The following F13A1 variants were observed in gnomAD, a reference collection of about 807,000 sequenced individuals.
The protein encoded by F13A1 is FSF, A subunit.
In F13A1, 47 loss-of-function variants were observed where a neutral mutation model predicts 80.1. That is an observed-to-expected ratio of 0.59 (90% CI 0.46 to 0.75). F13A1 has a LOEUF of 0.75. Among genes scored for constraint, F13A1 ranks in the 30% least tolerant of loss-of-function variants. The pLI, the probability that F13A1 is intolerant of heterozygous loss-of-function variation, is 0.00. For missense variants in F13A1, 817 were observed against 930.4 expected (o/e 0.88, Z 1.59); for synonymous variants, 349 against 344.9 (o/e 1.01, Z -0.13).
chr6:6,248,563 A>T, intron 5 of F13A1, 144 bp from the exon 6 acceptor site: 1 of 700,754 alleles, frequency 1.4e-6, no homozygotes, highest in Non-Finnish European at 2.5e-6. Context: ...CTTTAGTATG[A>T]AATATTAAAG....
At chr6:6,277,674 T>C (rs1758006945) in intron 3 of F13A1, among the ~76,000 whole-genome samples, 2 of 152,226 alleles carry the variant, frequency 1.3e-5, no homozygotes, top group South Asian at 4.1e-4. Flanking sequence ...CTATCAACCA[T>C]GGACTGGTTC....
chr6:6,285,721 G>A (rs767043977), intron 3 of F13A1, among the ~76,000 whole-genome samples: 1 of 152,228 alleles, frequency 6.6e-6, no homozygotes, highest in Non-Finnish European at 1.5e-5. Flanking sequence ...GCGACCATCA[G>A]GTGACGGTCA....
In F13A1 at chr6:6,251,299, C is replaced by A. The variant is rs202130058; in HGVS notation, c.572-370G>T. On this transcript the variant is annotated intron_variant, in intron 4 of 14. Transcript: ENST00000264870. ...TCTAACACTAATTAAAATATAATTT[C>A]CAACCTTTTAACATTAATAGAAAAC... Among the ~76,000 whole-genome samples the A allele has an allele frequency of 3.9e-5, 6 of 152,284 alleles. No homozygotes were observed. In the East Asian group the frequency reaches 1.2e-3, roughly 29 times the overall value.
chr6:6,271,405 AT>A (rs1757918925), intron 3 of F13A1, among the ~76,000 whole-genome samples: 1 of 152,144 alleles, frequency 6.6e-6, no homozygotes, highest in Non-Finnish European at 1.5e-5. Context: ...ATCAACATCC[AT>A]GACTGCCCAT....
intron 5 of F13A1, among the ~76,000 whole-genome samples, chr6:6,248,683 T>C (rs1253256170): frequency 6.6e-6 from 1 of 152,202 alleles, no homozygotes; most frequent in Non-Finnish European, 1.5e-5. Context: ...TCAGGGATCA[T>C]AAGCTGACTT....
Position 6,195,882 on chromosome 6 carries a change from A to G in F13A1, c.1220T>C (p.Met407Thr), listed in dbSNP as rs1761281347. The change falls in exon 10 of 15, where the codon ATG becomes ACG. Residue 407 changes from methionine to threonine, a missense_variant. Transcript: ENST00000264870. ...AACCGAGGCGGGGCCACACCGATAC[A>G]TGCCTGCATTGCACAGAGGAAGGGC... The part of the protein sequence containing the change: ...DSTPQENSDG[M>T]YRCGPASVQA... 4 of 1,613,958 alleles carry G rather than the reference A, an allele frequency of 2.5e-6. No homozygotes were observed. Among genetic ancestry groups the G allele is most frequent in the African/African-American group, 1.3e-5 (1 of 74,908 alleles).
chr6:6,294,990 C>A (rs1266200079), intron 3 of F13A1, among the ~76,000 whole-genome samples: 1 of 145,532 alleles, frequency 6.9e-6, no homozygotes, highest in African/African-American at 2.7e-5. Context: ...TGAGAATATG[C>A]GGTGTTTGGT....
At chr6:6,174,947 C>T (rs1760855410) in intron 11 of F13A1, 80 bp from the exon 12 acceptor site, 1 of 1,533,076 alleles carries the variant, frequency 6.5e-7, no homozygotes, top group Non-Finnish European at 9.0e-7. Flanking sequence ...GCACCGTGTA[C>T]TGCACTTGTT....
chr6:6,315,265 T>C (rs1229795068), intron 2 of F13A1, among the ~76,000 whole-genome samples: 4 of 152,110 alleles, frequency 2.6e-5, no homozygotes, highest in Non-Finnish European at 4.4e-5. Flanking sequence ...TGCAGAACAG[T>C]CTATTAGAAA....
At chr6:6,316,093 A>G (rs1393411976) in intron 2 of F13A1, among the ~76,000 whole-genome samples, 27 of 17,522 alleles carry the variant, frequency 1.5e-3, no homozygotes, top group South Asian at 0.012. Context: ...ATATATATAT[A>G]TATATATATA....
Position 6,217,367 on chromosome 6 carries a change from T to C in F13A1, c.1112+4666A>G, listed in dbSNP as rs555009858. 1.0e-3 allele frequency among the ~76,000 whole-genome samples: 158 copies of C among 152,040 alleles called. 2 individuals are homozygous for C. The highest frequency in any genetic ancestry group is 3.5e-3 in the African/African-American group (146 of 41,432). On this transcript the variant is annotated intron_variant, in intron 8 of 14. Coordinates refer to ENST00000264870, the MANE Select transcript of F13A1 (RefSeq NM_000129.4). ...GCAGCCATAAAAAATGATGAGTTCA[T>C]GTCCTTTGTAGGGACATGGATGAAA...
chr6:6,235,791 T>C (rs1360645426), intron 6 of F13A1, among the ~76,000 whole-genome samples: 1 of 152,120 alleles, frequency 6.6e-6, no homozygotes, highest in East Asian at 1.9e-4. Context: ...GGTATTTACC[T>C]AAGAGAAATA....
At chr6:6,172,157 C>T (rs1430090865) in intron 12 of F13A1, among the ~76,000 whole-genome samples, 2 of 152,060 alleles carry the variant, frequency 1.3e-5, no homozygotes, top group Non-Finnish European at 2.9e-5. Context: ...TCAAGAACCC[C>T]GGGGTGTGTG....
At chr6:6,308,606 CTTTTTTT>C (rs770570204) in intron 2 of F13A1, among the ~76,000 whole-genome samples, 2 of 88,850 alleles carry the variant, frequency 2.3e-5, no homozygotes, top group African/African-American at 8.9e-5. Context: ...AAAACACATT[CTTTTTTT>C]TTTTTTTTTT....
At chr6:6,198,368 C>T (rs535828388) in intron 8 of F13A1, among the ~76,000 whole-genome samples, 2 of 152,276 alleles carry the variant, frequency 1.3e-5, no homozygotes, top group African/African-American at 4.8e-5. Flanking sequence ...ATTAACCCCT[C>T]AGCACTATAG....
intron 4 of F13A1, among the ~76,000 whole-genome samples, chr6:6,254,731 C>A (rs1021433978): frequency 2.0e-5 from 3 of 152,054 alleles, no homozygotes; most frequent in African/African-American, 7.2e-5. Flanking sequence ...TTGAAAAGAA[C>A]AATATATTCA....
chr6:6,182,251 T>C (rs1056849698), intron 10 of F13A1, 110 bp from the exon 11 acceptor site: 8 of 1,169,062 alleles, frequency 6.8e-6, no homozygotes, highest in Non-Finnish European at 1.0e-5. Context: ...GACATGCCCC[T>C]TTCTTCAACA....
chr6:6,238,599 A>G (rs1254926038), intron 6 of F13A1, among the ~76,000 whole-genome samples: 2 of 152,024 alleles, frequency 1.3e-5, no homozygotes, highest in Admixed American at 6.6e-5. Context: ...TAGTTTGGGG[A>G]AAATATGTTC....
chr6:6,263,759 A>G (rs1424615385), intron 4 of F13A1, among the ~76,000 whole-genome samples: 2 of 152,218 alleles, frequency 1.3e-5, no homozygotes, highest in Non-Finnish European at 2.9e-5. Context: ...CACCGCCATC[A>G]ACCCAATTGG....
Sources: allele counts gnomAD v4.1 joint callset (sites outside exome capture counted in the v4.1 genomes callset), GRCh38; gene constraint gnomAD v4.1.1; transcripts MANE v1.5; gene names NCBI Gene and HGNC (gene_info 2026-07-23, HGNC 2026-07-21).